CR1: variants seen among roughly 807,000 people sequenced by gnomAD.
CR1 encodes complement C3b/C4b receptor 1 (Knops blood group).
In CR1, 116 loss-of-function variants were observed where a neutral mutation model predicts 187.3. That is an observed-to-expected ratio of 0.62 (90% CI 0.53 to 0.72). The LOEUF is 0.72. Among genes scored for constraint, CR1 ranks in the 30% least tolerant of loss-of-function variants. The pLI is 0.00. For missense variants in CR1, 1,731 were observed against 2,110.7 expected (o/e 0.82, Z 3.52); for synonymous variants, 576 against 747.1 (o/e 0.77, Z 3.73).
At chr1:207,497,652 C>A (rs1659130562) in intron 1 of CR1, among the ~76,000 whole-genome samples, 1 of 152,150 alleles carries the variant, frequency 6.6e-6, no homozygotes, top group South Asian at 2.1e-4. Flanking sequence ...GAAGCATGCC[C>A]AGTAAGTTAA....
intron 35 of CR1, among the ~76,000 whole-genome samples, chr1:207,599,727 A>C (rs1661550103): frequency 6.6e-6 from 1 of 152,248 alleles, no homozygotes; most frequent in South Asian, 2.1e-4. Context: ...GCAGAAAAGC[A>C]TATAGAGTTT....
intron 4 of CR1, among the ~76,000 whole-genome samples, chr1:207,517,185 T>C (rs1433941693): frequency 1.3e-5 from 2 of 152,142 alleles, no homozygotes; most frequent in Non-Finnish European, 2.9e-5. Flanking sequence ...ATATATTACA[T>C]TGATTGATGT....
At chr1:207,604,189 C>T (rs573857118) in intron 35 of CR1, among the ~76,000 whole-genome samples, 1 of 152,132 alleles carries the variant, frequency 6.6e-6, no homozygotes, top group African/African-American at 2.4e-5. Flanking sequence ...TGACTATTTC[C>T]ATTTTTCGTT....
rs771537444 is a variant in CR1 at position 207,607,324 on chromosome 1, C to A, written c.5884C>A (p.Pro1962Thr). 1 of 1,612,004 alleles carries A rather than the reference C, an allele frequency of 6.2e-7. No homozygotes were observed. The highest frequency in any genetic ancestry group is 8.5e-7 in the Non-Finnish European group (1 of 1,178,196). ...GNNVTWDKKAPICEIISCEPP... is the reference protein window; with the variant it reads ...GNNVTWDKKATICEIISCEPP... ...TAATGTCACATGGGATAAGAAGGCA[C>A]CTATTTGTGAGAGTAAGTTGAAATA... Residue 1962 changes from proline to threonine, a missense_variant, in exon 36 of 47, where the codon CCT becomes ACT. Coordinates refer to ENST00000367049, the MANE Select transcript of CR1 (RefSeq NM_000651.6).
chr1:207,597,149 C>T (rs1661471952), intron 35 of CR1, among the ~76,000 whole-genome samples: 1 of 148,238 alleles, frequency 6.7e-6, no homozygotes. Context: ...AAAAAACAAA[C>T]TCCATTTAGC....
At chr1:207,638,178 TGGGAATTATAG>T (rs1662874127) in intron 46 of CR1, among the ~76,000 whole-genome samples, 1 of 152,260 alleles carries the variant, frequency 6.6e-6, no homozygotes, top group Non-Finnish European at 1.5e-5. Context: ...GGCCTGTCTG[TGGGAATTATAG>T]GGAATTCCTG....
At position 207,587,532 on chromosome 1, in the gene CR1, T is replaced by C. The variant is rs749585730; in HGVS notation, c.5677T>C (p.Leu1893=). The change falls in exon 34 of 47, where the codon TTG becomes CTG. Residue 1893 remains leucine, a synonymous_variant. Coordinates refer to ENST00000367049, the MANE Select transcript of CR1 (RefSeq NM_000651.6). ...GTTCTCTATCTCCTGCCTAGAAAAC[T>C]TGGTCTGGTCAAGTGTTGAAGACAA... The part of the protein sequence containing the change: ...KMFSISCLEN[L]VWSSVEDNCR... The C allele has an allele frequency of 4.3e-6, 7 of 1,613,812 alleles. No individual in the cohort carries two copies. The highest frequency in any genetic ancestry group is 1.1e-5 in the South Asian group (1 of 91,082).
At chr1:207,588,860 T>A in intron 35 of CR1, 86 bp downstream of exon 35, 3 of 864,164 alleles carry the variant, frequency 3.5e-6, no homozygotes, top group Non-Finnish European at 5.4e-6. Context: ...CAAACTAAAC[T>A]ATTGCTCCCT....
Position 207,620,066 on chromosome 1 carries a change from G to C in CR1, c.7252+1G>C, listed in dbSNP as rs55998388. 1.2e-6 allele frequency: 2 copies of C among 1,606,870 alleles called. No individual in the cohort carries two copies. Among genetic ancestry groups the C allele is most frequent in the South Asian group, 1.1e-5 (1 of 89,198 alleles). Reference sequence around the variant, plus strand: ...CCTCCTCTGGCCAAATGTACCTCTCGTAAGTGCAAGTGCAAGGAATGTGGG... The same window carrying C: ...CCTCCTCTGGCCAAATGTACCTCTCCTAAGTGCAAGTGCAAGGAATGTGGG... On this transcript the variant is annotated splice_donor_variant, in intron 43 of 46. Coordinates refer to ENST00000367049, the MANE Select transcript of CR1 (RefSeq NM_000651.6). LOFTEE classifies it high-confidence loss of function.
intron 45 of CR1, among the ~76,000 whole-genome samples, chr1:207,628,681 C>G (rs1185648510): frequency 6.6e-6 from 1 of 152,198 alleles, no homozygotes; most frequent in Non-Finnish European, 1.5e-5. Context: ...ATTTCTGAAT[C>G]TGACTCTATA....
chr1:207,515,469 T>C (rs1212572458), intron 4 of CR1, among the ~76,000 whole-genome samples: 2 of 151,952 alleles, frequency 1.3e-5, no homozygotes, highest in Non-Finnish European at 2.9e-5. Flanking sequence ...TTCCCAGTTA[T>C]CTTCCCAAAG....
rs757433947 is a variant in CR1, at chr1:207,581,986, G to A, written c.5285G>A (p.Ser1762Asn). The A allele has an allele frequency of 1.9e-6, 3 of 1,611,706 alleles. No individual in the cohort carries two copies. The highest frequency in any genetic ancestry group is 1.7e-6 in the Non-Finnish European group (2 of 1,178,136). Residue 1762 changes from serine (S) to asparagine (N), a missense_variant, in exon 32 of 47, where the codon AGT (serine) becomes AAT (asparagine). Physicochemically the swap from Ser to Asn is conservative, Grantham distance 46. This residue lies in a region of CR1 where 1,312 missense variants were observed against 1,379.6 expected (regional missense o/e 0.95). Transcript: ENST00000367049. ...LVGMRSLWNN[S>N]VPVCEHIFCP... ...GGAATGAGAAGCCTTTGGAATAACA[G>A]TGTTCCTGTGTGTGAACGTGAGTAG...
At chr1:207,510,724 C>CCCTTCCTTCCTTCCTACCTTCCTT (rs1238983933) in intron 3 of CR1, among the ~76,000 whole-genome samples, 1,539 of 89,958 alleles carry the variant, frequency 0.017, 46 homozygotes, top group African/African-American at 0.06. Context: ...GTTATGTATC[C>CCCTTCCTTCCTTCCTACCTTCCTT]CCTTCCTTCC....
In CR1 at chr1:207,609,582, G is replaced by A. The variant is rs1325856549; in HGVS notation, c.6189G>A (p.Glu2063=). Residue 2063 remains glutamate (E), a synonymous_variant, in exon 37 of 47, where the codon GAG becomes GAA. Transcript: ENST00000367049. ...PGNRSFFTLT[E]IIRFRCQPGF... ...ACAGGAGTTTCTTTACCCTCACTGA[G>A]ATCATCAGATTTAGATGTCAGCCCG... 3.4e-5 allele frequency: 55 copies of A among 1,613,338 alleles called. No individual in the cohort carries two copies. The highest frequency in any genetic ancestry group is 4.6e-5 in the Non-Finnish European group (54 of 1,179,662).
At position 207,611,841 on chromosome 1, in the gene CR1, C is replaced by G; in HGVS notation, c.6460C>G (p.Pro2154Ala). The change falls in exon 38 of 47, where the codon CCT (proline) becomes GCT (alanine). Residue 2154 changes from proline to alanine, a missense_variant. Pro to Ala is a conservative substitution (Grantham distance 27). Around this residue, in one of 5 missense-constraint regions of CR1, gnomAD observed 1,312 missense variants for 1,379.6 expected, o/e 0.95. Coordinates refer to ENST00000367049, the MANE Select transcript of CR1 (RefSeq NM_000651.6). ...CCAGGGAGACTGGAGCCCTGAAGCCCCTAGATGTACAGGTGCCTTGACTCT... is the reference window on the plus strand; with the variant it reads ...CCAGGGAGACTGGAGCCCTGAAGCCGCTAGATGTACAGGTGCCTTGACTCT... The part of the protein sequence containing the change: ...TPQGDWSPEA[P>A]RCTVKSCDDF... The G allele has an allele frequency of 2.5e-6, 4 of 1,613,942 alleles. No individual in the cohort carries two copies. The highest frequency in any genetic ancestry group is 3.4e-6 in the Non-Finnish European group (4 of 1,179,872).
rs1662032710 is a variant in CR1, at chr1:207,614,406, T to A, written c.6578T>A (p.Phe2193Tyr). 6 of 1,609,532 alleles carry A rather than the reference T, an allele frequency of 3.7e-6. No homozygotes were observed. ...AKVSFVCDEGFRLKGRSASHC... is the reference protein window; with the variant it reads ...AKVSFVCDEGYRLKGRSASHC... Reference sequence around the variant, plus strand: ...GCTACCACTTTTTTTTTCTTTAGGTTCCGATTAAAAGGCAGGTCTGCTAGT... The same window carrying A: ...GCTACCACTTTTTTTTTCTTTAGGTACCGATTAAAAGGCAGGTCTGCTAGT... The change falls in exon 40 of 47, where the codon TTC becomes TAC. Residue 2193 changes from phenylalanine to tyrosine, a missense_variant and splice_region_variant. By Grantham distance (22) the Phe-to-Tyr change is conservative (BLOSUM62 3). Coordinates refer to ENST00000367049, the MANE Select transcript of CR1 (RefSeq NM_000651.6).
chr1:207,593,082 T>TAAAAAAAAAAAAA (rs778842599), intron 35 of CR1, among the ~76,000 whole-genome samples: 1 of 59,936 alleles, frequency 1.7e-5, no homozygotes, highest in Non-Finnish European at 2.5e-5. Context: ...TTCACAGAAT[T>TAAAAAAAAAAAAA]ACAAAAAAAA....
At chr1:207,614,993 G>A (rs937335131) in intron 40 of CR1, among the ~76,000 whole-genome samples, 11 of 151,934 alleles carry the variant, frequency 7.2e-5, no homozygotes, top group Middle Eastern at 3.2e-3. Flanking sequence ...ACTTTTTGTA[G>A]AGATAGAATC....
intron 31 of CR1, among the ~76,000 whole-genome samples, chr1:207,581,332 ATG>A (rs1368347415): frequency 7.1e-6 from 1 of 140,354 alleles, no homozygotes; most frequent in African/African-American, 3.2e-5. Context: ...ATACATGTAC[ATG>A]TGTATATGTA....
Sources: gnomAD v4.1 joint callset for allele counts (sites outside exome capture counted in the v4.1 genomes callset) on GRCh38, gnomAD v4.1.1 for gene constraint, gnomAD v4.1.1 regional missense constraint, MANE v1.5 for transcripts, NCBI Gene and HGNC (gene_info 2026-07-23, HGNC 2026-07-21) for gene names.